MECOM: variants seen among roughly 807,000 people sequenced by gnomAD.
MECOM encodes the protein MDS1 and EVI1 complex locus, also known as histone-lysine N-methyltransferase MECOM.
Under a neutral mutation model 116.3 loss-of-function variants are expected in MECOM, and 13 were observed. The ratio of observed to expected loss-of-function variants is 0.11; its 90% confidence interval spans 0.07 to 0.18. MECOM has a LOEUF of 0.18. Among genes scored for constraint, MECOM ranks in the 10% least tolerant of loss-of-function variants. The pLI is 1.00. For missense variants in MECOM, 1,299 were observed against 1,509.0 expected, an observed-to-expected ratio of 0.86 and a Z score of 2.31; for synonymous variants, 528 against 535.2, an observed-to-expected ratio of 0.99 and a Z score of 0.19.
At chr3:169,638,390 T>C (rs1440950651) in intron 1 of MECOM, among the ~76,000 whole-genome samples, 1 of 152,012 alleles carries the variant, frequency 6.6e-6, no homozygotes, top group Non-Finnish European at 1.5e-5. Flanking sequence ...TCCCCAGCAG[T>C]CCTCCTACAC....
chr3:169,290,956 T>C (rs1714436776), intron 2 of MECOM, among the ~76,000 whole-genome samples: 3 of 152,176 alleles, frequency 2.0e-5, no homozygotes, highest in Non-Finnish European at 2.9e-5. Context: ...TTACACTCCA[T>C]ACTTTCATTT....
At chr3:169,328,856 T>C (rs1344208386) in intron 2 of MECOM, among the ~76,000 whole-genome samples, 4 of 152,168 alleles carry the variant, frequency 2.6e-5, no homozygotes, top group Admixed American at 6.6e-5. Context: ...TGTCAGAGCT[T>C]CTAAAATATT....
chr3:169,400,522 G>T (rs540395685), intron 1 of MECOM, among the ~76,000 whole-genome samples: 1 of 152,258 alleles, frequency 6.6e-6, no homozygotes, highest in Non-Finnish European at 1.5e-5. Flanking sequence ...GTGTCACTTT[G>T]TTTAAATGTC....
rs557108073 is a variant in MECOM at position 169,356,303 on chromosome 3, C to A, written c.375+24884G>T. 2.0e-4 allele frequency among the ~76,000 whole-genome samples: 30 copies of A among 151,832 alleles called. No homozygotes were observed. In the East Asian group the frequency reaches 2.5e-3, roughly 13 times the overall value. ...GTGTAATTTCCCCAGAGAAAAAAAA[C>A]CAAGGTATTCTAAGGATAATAAAAG... On this transcript the variant is annotated intron_variant, in intron 2 of 16. Coordinates refer to ENST00000651503, the MANE Select transcript of MECOM (RefSeq NM_004991.4).
At chr3:169,112,607 A>G (rs529603336) in intron 9 of MECOM, among the ~76,000 whole-genome samples, 180 bp downstream of exon 9, 1 of 152,268 alleles carries the variant, frequency 6.6e-6, no homozygotes, top group East Asian at 1.9e-4. Context: ...TTACACATAT[A>G]TTAACTAATT....
At chr3:169,486,732 A>G (rs1166677811) in intron 1 of MECOM, among the ~76,000 whole-genome samples, 1 of 152,168 alleles carries the variant, frequency 6.6e-6, no homozygotes, top group Non-Finnish European at 1.5e-5. Context: ...TGAAACCCCC[A>G]GAAACAAATG....
intron 1 of MECOM, among the ~76,000 whole-genome samples, chr3:169,529,326 G>A (rs967332738): frequency 1.3e-5 from 2 of 152,204 alleles, no homozygotes; most frequent in African/African-American, 4.8e-5. Context: ...AAACCAGCAG[G>A]ACAATAATAG....
intron 1 of MECOM, among the ~76,000 whole-genome samples, chr3:169,636,202 C>T (rs754543842): frequency 1.1e-4 from 17 of 152,122 alleles, no homozygotes; most frequent in Non-Finnish European, 1.0e-4. Flanking sequence ...GTTATTTCAC[C>T]AGATGTCTAA....
intron 1 of MECOM, among the ~76,000 whole-genome samples, chr3:169,473,292 C>T (rs893412546): frequency 6.6e-6 from 1 of 152,162 alleles, no homozygotes; most frequent in Non-Finnish European, 1.5e-5. Context: ...TCATCCTAAT[C>T]CACAGGCTAG....
At chr3:169,522,532 T>TATGATA (rs1161623554) in intron 1 of MECOM, among the ~76,000 whole-genome samples, 4 of 152,328 alleles carry the variant, frequency 2.6e-5, no homozygotes, top group Non-Finnish European at 5.9e-5. Flanking sequence ...AGAGCCAATG[T>TATGATA]ATGATAAGTG....
intron 2 of MECOM, among the ~76,000 whole-genome samples, chr3:169,354,550 T>C (rs1393068210): frequency 1.3e-5 from 2 of 151,938 alleles, no homozygotes; most frequent in Non-Finnish European, 2.9e-5. Flanking sequence ...GTATTACCCA[T>C]AGGTTAAATC....
intron 1 of MECOM, among the ~76,000 whole-genome samples, chr3:169,595,207 T>C (rs1323972841): frequency 6.6e-6 from 1 of 152,190 alleles, no homozygotes; most frequent in Non-Finnish European, 1.5e-5. Context: ...TGTCTACTAA[T>C]GGATACAGGG....
chr3:169,328,551 G>A (rs1402709557), intron 2 of MECOM, among the ~76,000 whole-genome samples: 2 of 152,168 alleles, frequency 1.3e-5, no homozygotes, highest in Non-Finnish European at 2.9e-5. Context: ...CTATTAGTTT[G>A]TTAAAATATA....
chr3:169,592,694 T>C (rs867078293), intron 1 of MECOM, among the ~76,000 whole-genome samples: 3 of 152,202 alleles, frequency 2.0e-5, no homozygotes, highest in Non-Finnish European at 4.4e-5. Flanking sequence ...TATGATAGTC[T>C]CATCTTTTCA....
chr3:169,215,612 C>T (rs1458134731), intron 2 of MECOM, among the ~76,000 whole-genome samples: 1 of 152,162 alleles, frequency 6.6e-6, no homozygotes, highest in African/African-American at 2.4e-5. Flanking sequence ...CCTCATTAAA[C>T]CTGCCTGAAA....
rs1560546013 is a variant in MECOM, at chr3:169,659,088, A to AAAGAAAAGAAAAG, written c.37+4247_37+4248insCTTTTCTTTTCTT. Among the ~76,000 whole-genome samples, 71 of 151,040 alleles carry AAAGAAAAGAAAAG rather than the reference A, an allele frequency of 4.7e-4. 2 individuals are homozygous for AAAGAAAAGAAAAG. Among genetic ancestry groups the AAAGAAAAGAAAAG allele is most frequent in the African/African-American group, 1.5e-3 (63 of 40,762 alleles). On this transcript the variant is annotated intron_variant, in intron 1 of 16. Transcript: ENST00000651503. ...CTTCAACTCCAAAAAAAAAAAAAAA[A>AAAGAAAAGAAAAG]AAAGAAAGAGAAAGAAAGAAAGAAA...
intron 2 of MECOM, among the ~76,000 whole-genome samples, chr3:169,220,207 G>T (rs1304525794): frequency 1.3e-5 from 2 of 152,078 alleles, no homozygotes; most frequent in East Asian, 3.9e-4. Flanking sequence ...GTGCACACTG[G>T]TAGTACAGCT....
intron 16 of MECOM, among the ~76,000 whole-genome samples, chr3:169,088,671 CTG>C (rs1718639720): frequency 6.6e-6 from 1 of 152,032 alleles, no homozygotes; most frequent in Non-Finnish European, 1.5e-5. Flanking sequence ...GAAAATGACT[CTG>C]AGGTAATACA....
At chr3:169,281,662 A>C (rs547231273) in intron 2 of MECOM, among the ~76,000 whole-genome samples, 25 of 152,158 alleles carry the variant, frequency 1.6e-4, no homozygotes, top group Middle Eastern at 3.4e-3. Flanking sequence ...AATTACAAAA[A>C]TTAGCTGGGT....
Sources: gnomAD v4.1 joint callset for allele counts (sites outside exome capture counted in the v4.1 genomes callset) on GRCh38, gnomAD v4.1.1 for gene constraint, MANE v1.5 for transcripts, NCBI Gene and HGNC (gene_info 2026-07-23, HGNC 2026-07-21) for gene names.